PCDHGB2: variants seen among roughly 807,000 people sequenced by gnomAD.
PCDHGB2 encodes protocadherin gamma-B2.
Under a neutral mutation model 59.3 loss-of-function variants are expected in PCDHGB2, and 55 were observed. The ratio of observed to expected loss-of-function variants is 0.93; its 90% CI spans 0.75 to 1.16. The LOEUF is 1.16. Among genes scored for constraint, PCDHGB2 ranks in the 50% most tolerant of loss-of-function variants. The probability of loss-of-function intolerance (pLI) is 0.00; values close to 1 mark genes in which losing one functional copy is unlikely to be tolerated. For synonymous variants in PCDHGB2, 516 were observed against 512.0 expected (o/e 1.01, Z -0.11); for missense variants, 1,228 against 1,198.5 (o/e 1.02, Z -0.36).
intron 1 of PCDHGB2, chr5:141,375,538 C>T: frequency 6.2e-7 from 1 of 1,614,018 alleles, no homozygotes; most frequent in Non-Finnish European, 8.5e-7. Context: ...ACCAGAACGC[C>T]CAAGTCTCCT....
chr5:141,406,553 C>T (rs990498102), intron 1 of PCDHGB2, among the ~76,000 whole-genome samples: 1 of 152,150 alleles, frequency 6.6e-6, no homozygotes, highest in African/African-American at 2.4e-5. Flanking sequence ...CTTCAGTTAT[C>T]CACTTCCAAA....
At chr5:141,379,452 A>G (rs1775607962) in intron 1 of PCDHGB2, 1 of 152,242 alleles carries the variant, frequency 6.6e-6, no homozygotes, top group Non-Finnish European at 1.5e-5. Flanking sequence ...TGATTATTTC[A>G]TAAACTCTGA....
chr5:141,436,638 A>G (rs2097838155), intron 1 of PCDHGB2, among the ~76,000 whole-genome samples: 1 of 152,194 alleles, frequency 6.6e-6, no homozygotes, highest in Non-Finnish European at 1.5e-5. Flanking sequence ...ACATGCAATT[A>G]ATTAACAGTA....
intron 1 of PCDHGB2, chr5:141,440,534 C>A (rs562736984): frequency 1.3e-5 from 2 of 152,188 alleles, no homozygotes; most frequent in East Asian, 3.9e-4. Flanking sequence ...TCATGCACCA[C>A]GGTTCAGCAG....
At chr5:141,405,775 G>A (rs2094716657) in intron 1 of PCDHGB2, among the ~76,000 whole-genome samples, 1 of 152,002 alleles carries the variant, frequency 6.6e-6, no homozygotes, top group African/African-American at 2.4e-5. Flanking sequence ...ACTGCGCCTG[G>A]CCCTTAACTT....
chr5:141,414,854 A>C (rs1191943867), intron 1 of PCDHGB2: 3 of 1,614,230 alleles, frequency 1.9e-6, no homozygotes, highest in Non-Finnish European at 2.5e-6. Context: ...CTGGACCAGA[A>C]CGACAATGCG....
Position 141,362,170 on chromosome 5 carries a change from C to T in PCDHGB2, c.2035C>T (p.Arg679Trp), listed in dbSNP as rs1394296027. ...GGTATTGCCAGACCTCAGCGACCGC[C>T]GGGAGCCCTCTGACCCCCAGGCAAA... Reference protein sequence around the residue: ...QEVLPDLSDRREPSDPQAKLQ... With the variant: ...QEVLPDLSDRWEPSDPQAKLQ... The change falls in exon 1 of 4, where the codon CGG (arginine) becomes TGG (tryptophan). Residue 679 changes from arginine to tryptophan, a missense_variant. Arg to Trp is a moderately radical substitution (Grantham distance 101, BLOSUM62 -3). Around this residue, in one of 3 missense-constraint regions of PCDHGB2, gnomAD observed 433 missense variants for 441.8 expected, o/e 0.98. Coordinates refer to ENST00000522605, the MANE Select transcript of PCDHGB2 (RefSeq NM_018923.3). 1 of 1,614,036 alleles carries T rather than the reference C, an allele frequency of 6.2e-7. No homozygotes were observed. Among genetic ancestry groups the T allele is most frequent in the East Asian group, 2.2e-5 (1 of 44,874 alleles).
intron 3 of PCDHGB2, among the ~76,000 whole-genome samples, chr5:141,509,068 G>A (rs1267011061): frequency 6.6e-6 from 1 of 152,144 alleles, no homozygotes; most frequent in Non-Finnish European, 1.5e-5. Flanking sequence ...TCTCAGCTCC[G>A]GGGATTTGCG....
intron 1 of PCDHGB2, chr5:141,377,170 T>C (rs1773747669): frequency 1.3e-5 from 2 of 152,264 alleles, no homozygotes; most frequent in Non-Finnish European, 2.9e-5. Context: ...TTTACCTTTC[T>C]CTTCTTGGCA....
rs34752215 is a variant in PCDHGB2 at position 141,427,657 on chromosome 5, A to C, written c.2421+65101A>C. The C allele has an allele frequency of 1.4e-3, 1,030 of 734,210 alleles. 5 individuals carry two copies. Among genetic ancestry groups the C allele is most frequent in the Middle Eastern group, 5.7e-3 (25 of 4,398 alleles). The allele number at this position is 734,210 out of a possible 1,614,324, so 45.5% of individuals were successfully genotyped here. On this transcript the variant is annotated intron_variant, in intron 1 of 3. Coordinates refer to ENST00000522605, the MANE Select transcript of PCDHGB2 (RefSeq NM_018923.3). The stretch of plus-strand genomic sequence containing the variant: ...TTCCACCAAGTCTCCTACGTGGTCC[A>C]CGTGGCCGAAAACAACCTTCCCGGA...
At chr5:141,384,969 G>A (rs996601457) in intron 1 of PCDHGB2, 5 of 1,614,014 alleles carry the variant, frequency 3.1e-6, no homozygotes, top group African/African-American at 2.7e-5. Context: ...ATGACCTCAC[G>A]TTGTACCTGG....
At chr5:141,467,360 C>T (rs965838962) in intron 1 of PCDHGB2, among the ~76,000 whole-genome samples, 3 of 152,010 alleles carry the variant, frequency 2.0e-5, no homozygotes, top group Non-Finnish European at 4.4e-5. Context: ...GCCAAATCAA[C>T]GTTTTCTTAT....
rs192631651 is a variant in PCDHGB2, at chr5:141,432,052, C to G, written c.2422-62755C>G. On this transcript the variant is annotated intron_variant, in intron 1 of 3. Transcript: ENST00000522605. The surrounding 1 kb of genome is among the most constrained non-coding windows in gnomAD (Gnocchi z 6.0). Reference sequence around the variant, plus strand: ...CCGCCACTGACCGGGGAACCCCGCCCCTATCCACGGAAACTCATATCTCGC... The same window carrying G: ...CCGCCACTGACCGGGGAACCCCGCCGCTATCCACGGAAACTCATATCTCGC... The G allele has an allele frequency of 8.1e-6, 13 of 1,614,226 alleles. No homozygotes were observed. In the Admixed American group the frequency reaches 1.8e-4, roughly 23 times the overall value.
chr5:141,366,425 G>A, intron 1 of PCDHGB2: 1 of 1,614,148 alleles, frequency 6.2e-7, no homozygotes, highest in South Asian at 1.1e-5. Context: ...GGCAGTGGCT[G>A]CAGTCTCCTG....
chr5:141,419,741 A>C (rs769795920), intron 1 of PCDHGB2: 2 of 1,613,856 alleles, frequency 1.2e-6, no homozygotes, highest in Admixed American at 1.7e-5. Context: ...CGAGGTGCGC[A>C]TGGTGCGTGC....
chr5:141,388,630 T>C (rs754073337), intron 1 of PCDHGB2: 1 of 1,613,816 alleles, frequency 6.2e-7, no homozygotes, highest in Non-Finnish European at 8.5e-7. Flanking sequence ...GTATACAGGG[T>C]GAGCCTTTCA....
intron 1 of PCDHGB2, among the ~76,000 whole-genome samples, chr5:141,430,213 A>G (rs892801149): frequency 6.6e-6 from 1 of 151,106 alleles, no homozygotes; most frequent in Non-Finnish European, 1.5e-5. Context: ...AAATTATTAT[A>G]TTATATGATT....
chr5:141,427,994 C>T, intron 1 of PCDHGB2: 1 of 1,599,396 alleles, frequency 6.3e-7, no homozygotes, highest in Non-Finnish European at 8.6e-7. Flanking sequence ...CCGATGGCTC[C>T]GCACTCTTCG....
At chr5:141,381,826 C>CTTTTTTTTTTTTTTTTTTTTTTTTTT (rs770630741) in intron 1 of PCDHGB2, among the ~76,000 whole-genome samples, 2 of 74,292 alleles carry the variant, frequency 2.7e-5, no homozygotes, top group Non-Finnish European at 4.7e-5. Flanking sequence ...CTTTCTTCTT[C>CTTTTTTTTTTTTTTTTTTTTTTTTTT]TTTTTTTTTT....
Sources: allele counts gnomAD v4.1 joint callset (sites outside exome capture counted in the v4.1 genomes callset), GRCh38; gene constraint gnomAD v4.1.1; regional missense constraint gnomAD v4.1.1; non-coding constraint Gnocchi (gnomAD v3.1); transcripts MANE v1.5; gene names NCBI Gene and HGNC (gene_info 2026-07-23, HGNC 2026-07-21).